Variants in PDIA5 observed in about 807,000 individuals in gnomAD.
PDIA5 encodes the protein protein disulfide isomerase family A member 5.
PDIA5 carries 58 observed loss-of-function variants against 77.6 expected under a neutral mutation model. The observed-to-expected ratio is 0.75, with a 90% CI of 0.61 to 0.93. The LOEUF is 0.93. PDIA5 is among the 40% of genes least tolerant of loss of function. The pLI is 0.00. For missense variants in PDIA5, 630 were observed against 647.7 expected (o/e 0.97, Z 0.30); for synonymous variants, 250 against 252.1 (o/e 0.99, Z 0.08).
In PDIA5 at chr3:123,155,028, A is replaced by G; in HGVS notation, c.1331A>G (p.Lys444Arg). The change falls in exon 15 of 17, where the codon AAA becomes AGA. Residue 444 changes from lysine to arginine, a missense_variant. Physicochemically the swap from Lys to Arg is conservative, Grantham distance 26 (BLOSUM62 2). Coordinates refer to ENST00000316218, the MANE Select transcript of PDIA5 (RefSeq NM_006810.4). ...PHFTATADAF[K>R]DDRKIACAAV... ...TTTACTGCTACTGCTGATGCCTTCAAAGATGACCGAAAGGTAAGGACAGCG... is the reference window on the plus strand; with the variant it reads ...TTTACTGCTACTGCTGATGCCTTCAGAGATGACCGAAAGGTAAGGACAGCG... 1 of 1,609,102 alleles carries G rather than the reference A, an allele frequency of 6.2e-7. No homozygotes were observed. Among genetic ancestry groups the G allele is most frequent in the Non-Finnish European group, 8.5e-7 (1 of 1,175,428 alleles).
intron 11 of PDIA5, among the ~76,000 whole-genome samples, chr3:123,138,094 C>T (rs1255240622): frequency 6.6e-6 from 1 of 152,050 alleles, no homozygotes; most frequent in East Asian, 1.9e-4. Context: ...TACAGGCACA[C>T]ACTACCACGC....
intron 11 of PDIA5, among the ~76,000 whole-genome samples, chr3:123,135,505 G>C (rs1935477878): frequency 1.3e-5 from 2 of 152,140 alleles, no homozygotes; most frequent in African/African-American, 4.8e-5. Context: ...TGTTTTCTTT[G>C]CCATATCTTG....
In PDIA5 at chr3:123,067,051, G is replaced by T. The variant is rs1055902373; in HGVS notation, c.-114G>T. On this transcript the variant is annotated 5_prime_UTR_variant, in exon 1 of 17. Coordinates refer to ENST00000316218, the MANE Select transcript of PDIA5 (RefSeq NM_006810.4). ...GACGTGGCACCGGGAACTCGGAGGC[G>T]GGGAGCGGCTGGGAAGTGGCCGTGG... 11 of 886,154 alleles carry T rather than the reference G, an allele frequency of 1.2e-5. No individual in the cohort carries two copies. Among genetic ancestry groups the T allele is most frequent in the African/African-American group, 8.6e-5 (5 of 57,850 alleles). The allele number at this position is 886,154 out of a possible 1,614,324, so 54.9% of individuals were successfully genotyped here.
At chr3:123,135,094 C>T (rs1450827858) in intron 11 of PDIA5, among the ~76,000 whole-genome samples, 1 of 152,198 alleles carries the variant, frequency 6.6e-6, no homozygotes, top group Non-Finnish European at 1.5e-5. Flanking sequence ...CTGCTGCCAC[C>T]CGTGGCACCT....
At chr3:123,150,431 C>T in intron 14 of PDIA5, 67 bp downstream of exon 14, 10 of 1,492,868 alleles carry the variant, frequency 6.7e-6, no homozygotes, top group Non-Finnish European at 9.1e-6. Context: ...ACCAAAAAGA[C>T]CCGCACACCC....
chr3:123,148,959 G>T (rs1352302263), intron 13 of PDIA5, among the ~76,000 whole-genome samples: 1 of 152,220 alleles, frequency 6.6e-6, no homozygotes, highest in African/African-American at 2.4e-5. Flanking sequence ...CCAGGCTGTG[G>T]GTAACTGAGA....
chr3:123,067,904 T>C (rs1222609660), intron 1 of PDIA5, among the ~76,000 whole-genome samples: 1 of 151,984 alleles, frequency 6.6e-6, no homozygotes, highest in African/African-American at 2.4e-5. Flanking sequence ...GTTCTGAGAG[T>C]CGGATGAGGT....
intron 14 of PDIA5, 27 bp downstream of exon 14, chr3:123,150,391 G>A (rs1199737013): frequency 1.9e-6 from 3 of 1,606,608 alleles, no homozygotes; most frequent in Admixed American, 3.4e-5. Context: ...CTCACTGAGT[G>A]GCACAGTAAG....
chr3:123,102,369 G>T, intron 3 of PDIA5, 42 bp from the exon 4 acceptor site: 1 of 1,478,650 alleles, frequency 6.8e-7, no homozygotes. Context: ...CCTTTGTGAG[G>T]ACTTCAGGTA....
Position 123,117,374 on chromosome 3 carries a change from T to TTATATATATATATATATATATATATATA in PDIA5, c.609+1101_609+1102insATATATATATATATATATATATATATAT, listed in dbSNP as rs370968904. ...CTTTCTACTTTCTGTTTCTATGATT[T>TTATATATATATATATATATATATATATA]TATATATATATATATATATATATAT... On this transcript the variant is annotated intron_variant, in intron 8 of 16. Transcript: ENST00000316218. Among the ~76,000 whole-genome samples the TTATATATATATATATATATATATATATA allele has an allele frequency of 6.6e-3, 528 of 79,614 alleles. 20 individuals are homozygous for TTATATATATATATATATATATATATATA. The highest frequency in any genetic ancestry group is 0.013 in the African/African-American group (263 of 20,628). The allele number at this position is 79,614 out of a possible 152,430, so 52.2% of individuals were successfully genotyped here.
intron 10 of PDIA5, 54 bp downstream of exon 10, chr3:123,124,397 G>A (rs1374996794): frequency 2.2e-6 from 3 of 1,343,084 alleles, no homozygotes; most frequent in Non-Finnish European, 3.2e-6. Flanking sequence ...CGGGGCATCT[G>A]CCGGGCCTGA....
chr3:123,075,963 C>T (rs1339483803), intron 1 of PDIA5, among the ~76,000 whole-genome samples: 1 of 152,144 alleles, frequency 6.6e-6, no homozygotes, highest in African/African-American at 2.4e-5. Flanking sequence ...GGAGCTGTGT[C>T]ACCATTGTCT....
At chr3:123,161,241 T>C (rs969831206) in intron 15 of PDIA5, 80 bp from the exon 16 acceptor site, 9 of 1,450,084 alleles carry the variant, frequency 6.2e-6, no homozygotes, top group East Asian at 2.3e-5. Context: ...TGACGTGGAC[T>C]AGATGTGCAA....
chr3:123,105,452 G>A (rs1934701549), intron 5 of PDIA5, among the ~76,000 whole-genome samples: 1 of 152,184 alleles, frequency 6.6e-6, no homozygotes, highest in African/African-American at 2.4e-5. Flanking sequence ...TCATGGCAAA[G>A]CCTTGACAAG....
intron 15 of PDIA5, 132 bp from the exon 16 acceptor site, chr3:123,161,189 A>G (rs1936151614): frequency 1.1e-5 from 10 of 922,590 alleles, no homozygotes; most frequent in South Asian, 1.6e-5. Flanking sequence ...GCTTTGGTTC[A>G]GTTCCTACCT....
At chr3:123,136,351 C>T (rs1230879504) in intron 11 of PDIA5, among the ~76,000 whole-genome samples, 1 of 152,224 alleles carries the variant, frequency 6.6e-6, no homozygotes, top group Non-Finnish European at 1.5e-5. Context: ...GAAAATCCCT[C>T]ACTCTCCACG....
chr3:123,092,275 C>T, intron 2 of PDIA5, 80 bp from the exon 3 acceptor site: 1 of 1,175,952 alleles, frequency 8.5e-7, no homozygotes, highest in South Asian at 1.2e-5. Flanking sequence ...CTCCATCCTT[C>T]CTCACCCCTG....
chr3:123,072,256 C>T (rs1261050157), intron 1 of PDIA5, among the ~76,000 whole-genome samples: 3 of 152,186 alleles, frequency 2.0e-5, no homozygotes, highest in East Asian at 3.8e-4. Context: ...TCAGGAGCTG[C>T]GTGACCTTGG....
At chr3:123,112,534 C>CTTTT (rs55977938) in intron 7 of PDIA5, among the ~76,000 whole-genome samples, 2 of 61,454 alleles carry the variant, frequency 3.3e-5, no homozygotes, top group East Asian at 5.7e-4. Context: ...CAGCCCTATT[C>CTTTT]TTTTTTTTTT....
Sources: allele counts gnomAD v4.1 joint callset (sites outside exome capture counted in the v4.1 genomes callset), GRCh38; gene constraint gnomAD v4.1.1; transcripts MANE v1.5; gene names NCBI Gene and HGNC (gene_info 2026-07-23, HGNC 2026-07-21).